The following SGCZ variants were observed in gnomAD, a reference collection of about 807,000 sequenced individuals.
SGCZ encodes the protein zeta-sarcoglycan.
In SGCZ, 40 loss-of-function variants were observed where a neutral mutation model predicts 41.3. The ratio of observed to expected loss-of-function variants is 0.97; its 90% CI spans 0.75 to 1.26. The LOEUF (loss-of-function observed/expected upper bound fraction) is 1.26. Among genes scored for constraint, SGCZ ranks in the 50% most tolerant of loss-of-function variants. The probability of loss-of-function intolerance (pLI) is 0.00; values close to 1 mark genes in which losing one functional copy is unlikely to be tolerated. For synonymous variants in SGCZ, 206 were observed against 137.5 expected, an observed-to-expected ratio of 1.50 and a Z score of -3.49; for missense variants, 552 against 369.8, an observed-to-expected ratio of 1.49 and a Z score of -4.04.
At chr8:14,845,208 A>C (rs926302692) in intron 1 of SGCZ, among the ~76,000 whole-genome samples, 1 of 152,178 alleles carries the variant, frequency 6.6e-6, no homozygotes, top group Non-Finnish European at 1.5e-5. Context: ...GCTAGGATGG[A>C]AAAACTTATG....
At chr8:14,210,873 A>G (rs2195049) in intron 4 of SGCZ, among the ~76,000 whole-genome samples, 115,138 of 152,158 alleles carry the variant, frequency 0.76, 44,681 homozygotes, top group African/African-American at 0.92. Context: ...CTAAATGCCT[A>G]GACCATTGCA....
chr8:15,129,605 C>T (rs1807823974), intron 1 of SGCZ, among the ~76,000 whole-genome samples: 1 of 148,448 alleles, frequency 6.7e-6, no homozygotes, highest in Non-Finnish European at 1.5e-5. Context: ...GAGAAAAGTG[C>T]TTGATAACCA....
At chr8:14,846,715 A>C (rs901907440) in intron 1 of SGCZ, among the ~76,000 whole-genome samples, 10 of 150,488 alleles carry the variant, frequency 6.6e-5, no homozygotes, top group African/African-American at 2.4e-4. Context: ...AAAAAAAAAA[A>C]AAAAAAAAAA....
intron 7 of SGCZ, among the ~76,000 whole-genome samples, chr8:14,097,911 C>A (rs977633544): frequency 6.6e-6 from 1 of 151,940 alleles, no homozygotes; most frequent in African/African-American, 2.4e-5. Context: ...GGATTGCAAC[C>A]CCTGCTTTTT....
chr8:15,181,572 G>C (rs1012606756), intron 1 of SGCZ, among the ~76,000 whole-genome samples: 4 of 152,274 alleles, frequency 2.6e-5, no homozygotes, highest in Admixed American at 1.3e-4. Flanking sequence ...ATAAGTGCTT[G>C]TGTCTTTGCC....
chr8:14,258,002 G>A (rs1239454116), intron 3 of SGCZ, among the ~76,000 whole-genome samples: 1 of 152,100 alleles, frequency 6.6e-6, no homozygotes, highest in African/African-American at 2.4e-5. Flanking sequence ...AATGTCGGGG[G>A]AATTTGGTAG....
At position 15,197,034 on chromosome 8, in the gene SGCZ, C is replaced by G. The variant is rs1800753930; in HGVS notation, c.39+40551G>C. The stretch of plus-strand genomic sequence containing the variant: ...AAGAAGTTGCAAGGTCTCTTTAAGC[C>G]AAGACTCAGAAATGACACTCATTCT... On this transcript the variant is annotated intron_variant, in intron 1 of 7. Coordinates refer to ENST00000382080, the MANE Select transcript of SGCZ (RefSeq NM_139167.4). 2.6e-5 allele frequency among the ~76,000 whole-genome samples: 4 copies of G among 152,164 alleles called. No individual in the cohort carries two copies. In the South Asian group the frequency reaches 8.3e-4, roughly 31 times the overall value.
At chr8:14,374,694 G>C (rs184376110) in intron 2 of SGCZ, among the ~76,000 whole-genome samples, 13 of 152,156 alleles carry the variant, frequency 8.5e-5, no homozygotes, top group African/African-American at 2.9e-4. Context: ...ATTGGCTTGG[G>C]AGTAGAGGTG....
intron 2 of SGCZ, among the ~76,000 whole-genome samples, chr8:14,346,583 C>A (rs1456621173): frequency 6.6e-6 from 1 of 151,838 alleles, no homozygotes; most frequent in African/African-American, 2.4e-5. Flanking sequence ...ATGTCAAATG[C>A]ATATAAGCAA....
chr8:14,187,671 G>C (rs34102125), intron 4 of SGCZ, among the ~76,000 whole-genome samples: 36,183 of 151,720 alleles, frequency 0.24, 5,514 homozygotes, highest in Non-Finnish European at 0.34. Context: ...TCTGTAGAGA[G>C]AAAAAAGAAT....
intron 5 of SGCZ, among the ~76,000 whole-genome samples, chr8:14,124,382 A>G (rs1021463113): frequency 2.6e-5 from 4 of 152,134 alleles, no homozygotes; most frequent in Non-Finnish European, 5.9e-5. Context: ...CTTATGTGAA[A>G]CACACCCACA....
intron 3 of SGCZ, among the ~76,000 whole-genome samples, chr8:14,321,456 G>C (rs1290900168): frequency 6.6e-6 from 1 of 151,968 alleles, no homozygotes; most frequent in Non-Finnish European, 1.5e-5. Flanking sequence ...GGCTAGATGT[G>C]TATTTATGGG....
At chr8:14,702,782 C>T (rs58373448) in intron 1 of SGCZ, among the ~76,000 whole-genome samples, 33,825 of 80,626 alleles carry the variant, frequency 0.42, 4,386 homozygotes, top group Non-Finnish European at 0.5. Context: ...GATAGATAGA[C>T]AGACAGACAG....
rs75331413 is a variant in SGCZ, at chr8:14,359,391, G to A, written c.235-35187C>T. On this transcript the variant is annotated intron_variant, in intron 2 of 7. Transcript: ENST00000382080. ...TAGACAAAATGAATCTAATAGATAT[G>A]TACAAAACGTTTCATCCAACAACTG... is the stretch of plus-strand genomic sequence containing the variant. 4.9e-3 allele frequency among the ~76,000 whole-genome samples: 745 copies of A among 151,792 alleles called. 5 individuals are homozygous for A. Among genetic ancestry groups the A allele is most frequent in the African/African-American group, 0.016 (661 of 41,372 alleles).
chr8:14,499,277 T>G (rs1481305016), intron 2 of SGCZ, among the ~76,000 whole-genome samples: 1 of 152,052 alleles, frequency 6.6e-6, no homozygotes, highest in Non-Finnish European at 1.5e-5. Context: ...TCAAAACTAT[T>G]ACATTTTCTT....
At chr8:14,115,180 T>C (rs1802486597) in intron 5 of SGCZ, among the ~76,000 whole-genome samples, 1 of 151,988 alleles carries the variant, frequency 6.6e-6, no homozygotes. Context: ...GTTTTGCCCT[T>C]TACTTAAATA....
intron 1 of SGCZ, among the ~76,000 whole-genome samples, chr8:15,148,121 A>ACTT (rs1371017927): frequency 6.6e-6 from 1 of 152,250 alleles, no homozygotes; most frequent in Admixed American, 6.5e-5. Context: ...GTAAAAGAAT[A>ACTT]TGTGATAAAA....
chr8:15,155,725 A>G (rs10503536), intron 1 of SGCZ, among the ~76,000 whole-genome samples: 29,821 of 152,180 alleles, frequency 0.2, 3,484 homozygotes, highest in East Asian at 0.47. Context: ...TATACAGTAT[A>G]AACCTGATTT....
At chr8:15,213,118 C>G (rs1452379029) in intron 1 of SGCZ, among the ~76,000 whole-genome samples, 1 of 151,940 alleles carries the variant, frequency 6.6e-6, no homozygotes, top group Non-Finnish European at 1.5e-5. Flanking sequence ...TTCTGTCAGA[C>G]AAGCATAATT....
Sources: allele counts gnomAD v4.1 joint callset (sites outside exome capture counted in the v4.1 genomes callset), GRCh38; gene constraint gnomAD v4.1.1; transcripts MANE v1.5; gene names NCBI Gene and HGNC (gene_info 2026-07-23, HGNC 2026-07-21).